SMAD1: variants seen among roughly 807,000 people sequenced by gnomAD.
The protein encoded by SMAD1 is SMAD family member 1.
In SMAD1, 6 loss-of-function variants were observed where a neutral mutation model predicts 41.6. That is an observed-to-expected ratio of 0.14 (90% CI 0.08 to 0.28). The LOEUF is 0.28. SMAD1 is among the 10% of genes least tolerant of loss of function. SMAD1 has a pLI of 1.00. For missense variants in SMAD1, 379 were observed against 582.6 expected, an observed-to-expected ratio of 0.65 and a Z score of 3.60; for synonymous variants, 206 against 203.2, an observed-to-expected ratio of 1.01 and a Z score of -0.12.
intron 2 of SMAD1, among the ~76,000 whole-genome samples, chr4:145,538,585 T>C (rs1159843260): frequency 6.6e-6 from 1 of 152,174 alleles, no homozygotes; most frequent in Non-Finnish European, 1.5e-5. Flanking sequence ...AGAAATGATA[T>C]AAATTATGCA....
In SMAD1 at chr4:145,524,468, G is replaced by A. The variant is rs1373361326; in HGVS notation, c.400+9455G>A. Among the ~76,000 whole-genome samples, 7 of 152,122 alleles carry A rather than the reference G, an allele frequency of 4.6e-5. No individual in the cohort carries two copies. In the South Asian group the frequency reaches 1.2e-3, roughly 27 times the overall value. On this transcript the variant is annotated intron_variant, in intron 2 of 6. Coordinates refer to ENST00000302085, the MANE Select transcript of SMAD1 (RefSeq NM_005900.3). The stretch of plus-strand genomic sequence containing the variant: ...AAAAGTACATAAGTTGTTATACATC[G>A]ATGGAAGCAGACATCTAGACAACTA...
intron 2 of SMAD1, among the ~76,000 whole-genome samples, chr4:145,525,339 T>A (rs927153560): frequency 7.9e-5 from 12 of 152,208 alleles, no homozygotes; most frequent in African/African-American, 2.9e-4. Flanking sequence ...TCTGCCCTGA[T>A]ATTTGGAAAA....
At chr4:145,490,129 TAAGA>T (rs907057331) in intron 1 of SMAD1, among the ~76,000 whole-genome samples, 1 of 152,218 alleles carries the variant, frequency 6.6e-6, no homozygotes, top group African/African-American at 2.4e-5. Flanking sequence ...ACTTGAATTT[TAAGA>T]TAGATGAGAC....
chr4:145,534,639 C>T (rs1464132230), intron 2 of SMAD1, among the ~76,000 whole-genome samples: 3 of 152,144 alleles, frequency 2.0e-5, no homozygotes, highest in Non-Finnish European at 4.4e-5. Context: ...TTTTTTAAAG[C>T]GGCAACTCCA....
chr4:145,557,257 T>A (rs1193372296), intron 6 of SMAD1, among the ~76,000 whole-genome samples: 1 of 152,228 alleles, frequency 6.6e-6, no homozygotes, highest in African/African-American at 2.4e-5. Context: ...TTCATGGCAA[T>A]GGCTAGGTGT....
At chr4:145,552,949 G>A (rs902614687) in intron 5 of SMAD1, among the ~76,000 whole-genome samples, 1 of 152,078 alleles carries the variant, frequency 6.6e-6, no homozygotes, top group Non-Finnish European at 1.5e-5. Context: ...CTGTCACCCA[G>A]TCTGGAGTGC....
At chr4:145,529,582 A>G (rs1578797221) in intron 2 of SMAD1, among the ~76,000 whole-genome samples, 2 of 152,326 alleles carry the variant, frequency 1.3e-5, no homozygotes, top group East Asian at 1.9e-4. Flanking sequence ...CTTGACCAAA[A>G]AAACTGGGCC....
At chr4:145,510,787 C>T (rs1272363276) in intron 1 of SMAD1, among the ~76,000 whole-genome samples, 2 of 151,988 alleles carry the variant, frequency 1.3e-5, no homozygotes, top group Non-Finnish European at 2.9e-5. Context: ...CTTGTTTTAT[C>T]ATTTATTATG....
chr4:145,521,745 A>G (rs888268333), intron 2 of SMAD1, among the ~76,000 whole-genome samples: 1 of 152,152 alleles, frequency 6.6e-6, no homozygotes, highest in Non-Finnish European at 1.5e-5. Flanking sequence ...AATTTTCTGT[A>G]TCTTGACTGT....
rs2126571453 is a variant in SMAD1 at position 145,558,733 on chromosome 4, T to C, written c.*799T>C. Among the ~76,000 whole-genome samples, 1 of 104,630 alleles carries C rather than the reference T, an allele frequency of 9.6e-6. No individual in the cohort carries two copies. Among genetic ancestry groups the C allele is most frequent in the East Asian group, 2.1e-4 (1 of 4,708 alleles). The allele number at this position is 104,630 out of a possible 152,430, so 68.6% of individuals were successfully genotyped here. ...TTTTTAGAGATTTTTATCATTTTTT[T>C]CTCTCTCGGCATTCTTTTTTCTCAT... On this transcript the variant is annotated 3_prime_UTR_variant, in exon 7 of 7. Transcript: ENST00000302085.
intron 5 of SMAD1, among the ~76,000 whole-genome samples, chr4:145,548,772 C>A (rs1732395253): frequency 6.6e-6 from 1 of 152,074 alleles, no homozygotes; most frequent in East Asian, 1.9e-4. Flanking sequence ...AGAGTGTTTA[C>A]CCTCAAACTG....
At chr4:145,548,957 A>C (rs1732404100) in intron 5 of SMAD1, among the ~76,000 whole-genome samples, 1 of 152,194 alleles carries the variant, frequency 6.6e-6, no homozygotes, top group African/African-American at 2.4e-5. Flanking sequence ...TACCCTGAGA[A>C]GGCCATAACA....
chr4:145,537,835 T>C (rs950216542), intron 2 of SMAD1, among the ~76,000 whole-genome samples: 2 of 152,148 alleles, frequency 1.3e-5, no homozygotes, highest in African/African-American at 4.8e-5. Flanking sequence ...TCTAAAACTG[T>C]TAGGAAACAA....
At chr4:145,488,436 G>A (rs1431337461) in intron 1 of SMAD1, among the ~76,000 whole-genome samples, 1 of 151,706 alleles carries the variant, frequency 6.6e-6, no homozygotes, top group African/African-American at 2.4e-5. Context: ...TTAGGGTATA[G>A]TTACTCCAAC....
At chr4:145,537,723 G>A (rs1451078314) in intron 2 of SMAD1, among the ~76,000 whole-genome samples, 2 of 152,126 alleles carry the variant, frequency 1.3e-5, no homozygotes, top group Non-Finnish European at 2.9e-5. Context: ...TTCAACTTGG[G>A]AAGCAGAAAT....
In SMAD1 at chr4:145,558,085, A is replaced by AC. The variant is rs572681740; in HGVS notation, c.*151_*152insC. 9.4e-4 allele frequency: 388 copies of AC among 414,482 alleles called. 3 individuals carry two copies. The highest frequency in any genetic ancestry group is 7.3e-3 in the African/African-American group (362 of 49,748). The allele number at this position is 414,482 out of a possible 1,614,324, so 25.7% of individuals were successfully genotyped here. ...TTGGATTCAGAAATTTAAACAAAAA[A>AC]AAAAAAAAACACACACACCTTGGTA... On this transcript the variant is annotated 3_prime_UTR_variant, in exon 7 of 7. Coordinates refer to ENST00000302085, the MANE Select transcript of SMAD1 (RefSeq NM_005900.3).
At chr4:145,519,985 A>C (rs1014638829) in intron 2 of SMAD1, among the ~76,000 whole-genome samples, 4 of 152,220 alleles carry the variant, frequency 2.6e-5, no homozygotes, top group Non-Finnish European at 5.9e-5. Flanking sequence ...AAGGCTGAAT[A>C]GTATTTAATT....
At chr4:145,554,879 T>C (rs1208534806) in intron 6 of SMAD1, among the ~76,000 whole-genome samples, 1 of 152,234 alleles carries the variant, frequency 6.6e-6, no homozygotes, top group African/African-American at 2.4e-5. Context: ...GGCAATTATC[T>C]TTTATGTCTT....
At chr4:145,531,402 C>G (rs984961868) in intron 2 of SMAD1, among the ~76,000 whole-genome samples, 1 of 152,138 alleles carries the variant, frequency 6.6e-6, no homozygotes, top group Non-Finnish European at 1.5e-5. Context: ...GCTTGCCCTC[C>G]CTTTCTCACA....
Sources: gnomAD v4.1 joint callset for allele counts (sites outside exome capture counted in the v4.1 genomes callset) on GRCh38, gnomAD v4.1.1 for gene constraint, MANE v1.5 for transcripts, NCBI Gene and HGNC (gene_info 2026-07-23, HGNC 2026-07-21) for gene names.